The following PCDH10 variants were observed in gnomAD, a reference collection of about 807,000 sequenced individuals.
PCDH10 encodes the protein protocadherin 10, also known as protocadherin-10.
Under a neutral mutation model 74.4 loss-of-function variants are expected in PCDH10, and 15 were observed. The observed-to-expected ratio is 0.20, with a 90% confidence interval of 0.13 to 0.31. The LOEUF is 0.31. Ranked by LOEUF, PCDH10 falls within the 10% of genes least tolerant of loss-of-function variation. The probability of loss-of-function intolerance (pLI) is 1.00; values close to 1 mark genes in which losing one functional copy is unlikely to be tolerated. For missense variants in PCDH10, 1,260 were observed against 1,390.2 expected (o/e 0.91, Z 1.49); for synonymous variants, 619 against 589.8 (o/e 1.05, Z -0.72).
intron 2 of PCDH10, among the ~76,000 whole-genome samples, chr4:133,201,892 G>A (rs549173038): frequency 6.6e-6 from 1 of 151,520 alleles, no homozygotes; most frequent in South Asian, 2.1e-4. Context: ...TTGTGCTTGG[G>A]GATCCCTAAT....
Position 133,193,393 on chromosome 4 carries a change from T to C in PCDH10, c.*3233T>C, listed in dbSNP as rs1404570945. The C allele has an allele frequency of 6.6e-6, 1 of 151,696 alleles. No individual in the cohort carries two copies. Among genetic ancestry groups the C allele is most frequent in the Non-Finnish European group, 1.5e-5 (1 of 67,682 alleles). The allele number at this position is 151,696 out of a possible 1,614,324, so 9.4% of individuals were successfully genotyped here. On this transcript the variant is annotated 3_prime_UTR_variant, in exon 5 of 5. Coordinates refer to ENST00000264360, the MANE Select transcript of PCDH10 (RefSeq NM_032961.3). ...GAACTATAGTAGAATATTTAAATAT[T>C]TTAATTTCTCATTGTTTTATTTGTT... is the stretch of plus-strand genomic sequence containing the variant.
At chr4:133,207,725 C>T (rs1216692404) in intron 2 of PCDH10, among the ~76,000 whole-genome samples, 1 of 152,030 alleles carries the variant, frequency 6.6e-6, no homozygotes, top group Non-Finnish European at 1.5e-5. Flanking sequence ...AAAAAGACTG[C>T]AGAATTTGTG....
chr4:133,208,529 A>G (rs1728097849), exon 3 of PCDH10: 1 of 152,118 alleles, frequency 6.6e-6, no homozygotes, highest in African/African-American at 2.4e-5. Context: ...CTGACCTTGC[A>G]CACAAAAAAT....
downstream of PCDH10, among the ~76,000 whole-genome samples, chr4:133,194,992 A>T (rs1727766482): frequency 6.6e-6 from 1 of 152,022 alleles, no homozygotes; most frequent in Admixed American, 6.6e-5. Flanking sequence ...AGATATGAGT[A>T]CCTTCAAGCA....
Position 133,191,765 on chromosome 4 carries a change from T to A in PCDH10, c.*1605T>A, listed in dbSNP as rs967555242. 6.6e-6 allele frequency: 1 copy of A among 151,642 alleles called. No individual in the cohort carries two copies. Among genetic ancestry groups the A allele is most frequent in the African/African-American group, 2.4e-5 (1 of 41,380 alleles). The allele number at this position is 151,642 out of a possible 1,614,324, so 9.4% of individuals were successfully genotyped here. Reference sequence around the variant, plus strand: ...AAAGCTTCAACATTATATCAAAATGTTTGCCCAGTTCAAATTAGAAACCTG... The same window carrying A: ...AAAGCTTCAACATTATATCAAAATGATTGCCCAGTTCAAATTAGAAACCTG... On this transcript the variant is annotated 3_prime_UTR_variant, in exon 5 of 5. Transcript: ENST00000264360.
Position 133,152,693 on chromosome 4 carries a change from C to T in PCDH10, c.2553C>T (p.Asn851=). The change falls in exon 1 of 5, where the codon AAC becomes AAT. Residue 851 remains asparagine, a synonymous_variant. Coordinates refer to ENST00000264360, the MANE Select transcript of PCDH10 (RefSeq NM_032961.3). The part of the protein sequence containing the change: ...SPSRSTDTEH[N]PCGAIVTGYT... ...CGCGGAGTACGGACACTGAGCACAA[C>T]CCCTGCGGGGCCATCGTCACCGGTT... The T allele has an allele frequency of 1.9e-6, 3 of 1,614,216 alleles. No individual in the cohort carries two copies. The highest frequency in any genetic ancestry group is 2.5e-6 in the Non-Finnish European group (3 of 1,180,046).
Position 133,152,752 on chromosome 4 carries a change from G to C in PCDH10, c.2612G>C (p.Gly871Ala). 1 of 1,614,204 alleles carries C rather than the reference G, an allele frequency of 6.2e-7. No individual in the cohort carries two copies. The highest frequency in any genetic ancestry group is 1.1e-5 in the South Asian group (1 of 91,082). The change falls in exon 1 of 5, where the codon GGA (glycine) becomes GCA (alanine). Residue 871 changes from glycine (G) to alanine (A), a missense_variant. Coordinates refer to ENST00000264360, the MANE Select transcript of PCDH10 (RefSeq NM_032961.3). The stretch of plus-strand genomic sequence containing the variant: ...CAGCAGCCTGATATCATCTCCAACG[G>C]AAGCATTTTGTCCAACGAGGTAAGG... ...TDQQPDIISN[G>A]SILSNETKHQ...
At position 133,152,738 on chromosome 4, in the gene PCDH10, TATC is replaced by T; in HGVS notation, c.2602_2604del (p.Ile868del). The T allele has an allele frequency of 1.2e-6, 2 of 1,614,202 alleles. No homozygotes were observed. The highest frequency in any genetic ancestry group is 1.1e-5 in the South Asian group (1 of 91,080). On this transcript the variant is annotated inframe_deletion, in exon 1 of 5. Coordinates refer to ENST00000264360, the MANE Select transcript of PCDH10 (RefSeq NM_032961.3). ...CCGGTTACACCGACCAGCAGCCTGATATCATCTCCAACGGAAGCATTTTGTCCA... is the reference window on the plus strand; with the variant it reads ...CCGGTTACACCGACCAGCAGCCTGATATCTCCAACGGAAGCATTTTGTCCA...
Position 133,149,966 on chromosome 4 carries a change from G to T in PCDH10, c.-175G>T. On this transcript the variant is annotated 5_prime_UTR_variant, in exon 1 of 5. Transcript: ENST00000264360. Reference sequence around the variant, plus strand: ...TAAAAAAAAATGAGGCTGGATTGCGGGAAGCTCTAAAATGAAGCAAAAGGA... The same window carrying T: ...TAAAAAAAAATGAGGCTGGATTGCGTGAAGCTCTAAAATGAAGCAAAAGGA... 1.2e-6 allele frequency: 1 copy of T among 863,512 alleles called. No individual in the cohort carries two copies. The highest frequency in any genetic ancestry group is 1.6e-6 in the Non-Finnish European group (1 of 621,810). The allele number at this position is 863,512 out of a possible 1,614,324, so 53.5% of individuals were successfully genotyped here.
rs369655620 is a variant in PCDH10, at chr4:133,150,043, T to C, written c.-98T>C. 527 of 1,443,992 alleles carry C rather than the reference T, an allele frequency of 3.6e-4. No homozygotes were observed. Among genetic ancestry groups the C allele is most frequent in the Middle Eastern group, 1.7e-3 (7 of 4,096 alleles). 89.4% of individuals were successfully genotyped at this position (1,443,992 alleles called of 1,614,324 possible). On this transcript the variant is annotated 5_prime_UTR_variant, in exon 1 of 5. Transcript: ENST00000264360. ...CAGGAGCCCCCACGTAGCGCACTTT[T>C]ATTTGTATTTTTTCAGATTTTTTTT...
At chr4:133,155,082 T>C in intron 3 of PCDH10, 59 bp downstream of exon 3, 3 of 1,181,952 alleles carry the variant, frequency 2.5e-6, no homozygotes, top group East Asian at 2.3e-5. Context: ...TTTTTAAAAA[T>C]AAACGTAGGA....
intron 4 of PCDH10, chr4:133,164,036 T>A (rs1404662387): frequency 6.6e-6 from 3 of 456,140 alleles, no homozygotes; most frequent in Non-Finnish European, 1.3e-5. Flanking sequence ...TTTTATTAGA[T>A]GCATACATTG....
At position 133,203,457 on chromosome 4, in the gene PCDH10, G is replaced by T. The variant is rs565386226; in HGVS notation, n.438-4619G>T. ...TAGGATTTAAGAGCCCCAGACTTAA[G>T]TTGGGTTTTAAATAACACCTATGCT... On this transcript the variant is annotated intron_variant and non_coding_transcript_variant, in intron 2 of 2. Transcript: ENST00000511112. 2.0e-5 allele frequency among the ~76,000 whole-genome samples: 3 copies of T among 152,252 alleles called. No homozygotes were observed. The South Asian group carries it at 6.2e-4, about 32-fold the overall frequency.
intron 2 of PCDH10, among the ~76,000 whole-genome samples, chr4:133,205,200 C>A (rs974506): frequency 2.0e-5 from 3 of 152,202 alleles, no homozygotes; most frequent in Admixed American, 6.5e-5. Context: ...CAACACATAA[C>A]AATGGGCCTT....
At chr4:133,165,570 TA>T (rs1281942993) in intron 4 of PCDH10, among the ~76,000 whole-genome samples, 1 of 151,794 alleles carries the variant, frequency 6.6e-6, no homozygotes, top group Non-Finnish European at 1.5e-5. Flanking sequence ...TTAAAAAAGC[TA>T]AAAATTGACA....
chr4:133,198,328 G>A (rs1166285467), downstream of PCDH10, among the ~76,000 whole-genome samples: 1 of 152,104 alleles, frequency 6.6e-6, no homozygotes, highest in Non-Finnish European at 1.5e-5. Context: ...TGAGAGATGT[G>A]TGTGAGAGTT....
intron 4 of PCDH10, among the ~76,000 whole-genome samples, chr4:133,172,093 T>G (rs551386400): frequency 6.6e-6 from 1 of 152,152 alleles, no homozygotes; most frequent in East Asian, 1.9e-4. Context: ...TCTTCCATGT[T>G]TTCCATCACT....
intron 4 of PCDH10, among the ~76,000 whole-genome samples, chr4:133,182,806 CATATCCTGTT>C (rs1207301781): frequency 6.6e-6 from 1 of 152,014 alleles, no homozygotes; most frequent in Non-Finnish European, 1.5e-5. Flanking sequence ...AGGTTAGGGT[CATATCCTGTT>C]ATTTTTCTCC....
chr4:133,207,485 T>A (rs1218089984), intron 2 of PCDH10, among the ~76,000 whole-genome samples: 4 of 152,144 alleles, frequency 2.6e-5, no homozygotes, highest in Non-Finnish European at 5.9e-5. Flanking sequence ...ATTTTACTGT[T>A]TGGGACTAGG....
Sources: allele counts gnomAD v4.1 joint callset (sites outside exome capture counted in the v4.1 genomes callset), GRCh38; gene constraint gnomAD v4.1.1; transcripts MANE v1.5; gene names NCBI Gene and HGNC (gene_info 2026-07-23, HGNC 2026-07-21).